Variants in SERGEF observed in about 807,000 individuals in gnomAD.
SERGEF encodes the protein secretion-regulating guanine nucleotide exchange factor.
A neutral mutation model predicts 50.0 loss-of-function variants in SERGEF; 51 were observed. The observed-to-expected ratio is 1.02, with a 90% CI of 0.81 to 1.29. SERGEF has a LOEUF of 1.29. Ranked by LOEUF, SERGEF falls within the 50% of genes most tolerant of loss-of-function variation. The pLI is 0.00. For missense variants in SERGEF, 521 were observed against 557.0 expected, an observed-to-expected ratio of 0.94 and a Z score of 0.65; for synonymous variants, 205 against 212.4, an observed-to-expected ratio of 0.97 and a Z score of 0.30.
intron 10 of SERGEF, among the ~76,000 whole-genome samples, chr11:17,819,226 T>G (rs1850031736): frequency 6.6e-6 from 1 of 152,228 alleles, no homozygotes; most frequent in African/African-American, 2.4e-5. Flanking sequence ...GTAAAGCCTA[T>G]AAATGCAACT....
intron 9 of SERGEF, among the ~76,000 whole-genome samples, chr11:17,950,398 C>T (rs1852753145): frequency 6.6e-6 from 1 of 152,192 alleles, no homozygotes; most frequent in Non-Finnish European, 1.5e-5. Flanking sequence ...GTTTCTTTCA[C>T]ATAGAAAGTC....
intron 10 of SERGEF, among the ~76,000 whole-genome samples, chr11:17,875,602 C>T (rs574985381): frequency 6.6e-6 from 1 of 152,346 alleles, no homozygotes; most frequent in South Asian, 2.1e-4. Flanking sequence ...ACCTGTTTAA[C>T]CCATTTAACT....
chr11:17,973,054 G>A (rs932140005), intron 8 of SERGEF, among the ~76,000 whole-genome samples: 3 of 152,134 alleles, frequency 2.0e-5, no homozygotes, highest in Middle Eastern at 3.4e-3. Flanking sequence ...TGTTGATGAG[G>A]CCGTGTTTTC....
intron 6 of SERGEF, 26 bp from the exon 7 acceptor site, chr11:17,993,019 A>G: frequency 6.2e-7 from 1 of 1,600,082 alleles, no homozygotes. Context: ...TGTTCTTCTG[A>G]ATTACATTTA....
intron 7 of SERGEF, among the ~76,000 whole-genome samples, chr11:17,989,725 T>C (rs954698215): frequency 6.6e-6 from 1 of 152,218 alleles, no homozygotes; most frequent in African/African-American, 2.4e-5. Context: ...CACCTACATG[T>C]GGCTATTAAA....
At chr11:17,805,946 A>G (rs950960975) in intron 10 of SERGEF, among the ~76,000 whole-genome samples, 1 of 152,266 alleles carries the variant, frequency 6.6e-6, no homozygotes, top group Admixed American at 6.5e-5. Context: ...GCCCAAAGGT[A>G]GGGAGGAATC....
rs534350395 is a variant in SERGEF, at chr11:17,951,212, T to A, written c.1011+8258A>T. 3.9e-5 allele frequency among the ~76,000 whole-genome samples: 6 copies of A among 152,342 alleles called. No homozygotes were observed. The South Asian group carries it at 8.3e-4, about 21-fold the overall frequency. On this transcript the variant is annotated intron_variant, in intron 9 of 10. Transcript: ENST00000265965. The stretch of plus-strand genomic sequence containing the variant: ...CAAAACCTGTACCCGAAGCAGCTCA[T>A]ATGTCATGAACCTAAAAAACAACTT...
chr11:17,989,428 G>C (rs1237228303), intron 7 of SERGEF, among the ~76,000 whole-genome samples: 4 of 152,158 alleles, frequency 2.6e-5, no homozygotes, highest in Non-Finnish European at 4.4e-5. Flanking sequence ...CTAAGACTTA[G>C]TTTCACCAGC....
intron 9 of SERGEF, among the ~76,000 whole-genome samples, chr11:17,909,905 T>C (rs1245161992): frequency 6.6e-6 from 1 of 152,158 alleles, no homozygotes; most frequent in South Asian, 2.1e-4. Flanking sequence ...GGGAGTTGCA[T>C]CCACCCCTTA....
intron 8 of SERGEF, among the ~76,000 whole-genome samples, chr11:17,960,213 A>G (rs934698849): frequency 2.6e-5 from 4 of 152,254 alleles, no homozygotes; most frequent in African/African-American, 9.6e-5. Context: ...GCAAGTGTTT[A>G]TGTGTGCTAG....
At chr11:17,830,645 G>GAA (rs1554999424) in intron 10 of SERGEF, among the ~76,000 whole-genome samples, 1 of 19,382 alleles carries the variant, frequency 5.2e-5, no homozygotes, top group Non-Finnish European at 8.5e-5. Flanking sequence ...GGAGGGAGAG[G>GAA]GAGGGAGAGA....
chr11:17,968,157 A>G (rs1271622489), intron 8 of SERGEF, among the ~76,000 whole-genome samples: 1 of 152,238 alleles, frequency 6.6e-6, no homozygotes, highest in Non-Finnish European at 1.5e-5. Flanking sequence ...CCTAACACAG[A>G]GCCTGACCCA....
chr11:17,970,605 C>T (rs1054490802), intron 8 of SERGEF, among the ~76,000 whole-genome samples: 19 of 152,192 alleles, frequency 1.2e-4, no homozygotes. Flanking sequence ...AAAAGCTAGG[C>T]CTCTTGCACC....
chr11:17,942,049 C>A (rs1852572939), intron 9 of SERGEF, among the ~76,000 whole-genome samples: 1 of 152,092 alleles, frequency 6.6e-6, no homozygotes, highest in Admixed American at 6.6e-5. Flanking sequence ...GTGGATCTTG[C>A]AACTTCATTC....
intron 10 of SERGEF, among the ~76,000 whole-genome samples, chr11:17,818,233 C>T (rs1850015520): frequency 6.6e-6 from 1 of 152,134 alleles, no homozygotes; most frequent in South Asian, 2.1e-4. Context: ...CTCAGAGGAA[C>T]TCAGACCTCT....
chr11:17,805,590 T>C (rs577853433), intron 10 of SERGEF, among the ~76,000 whole-genome samples: 65 of 152,302 alleles, frequency 4.3e-4, no homozygotes, highest in Middle Eastern at 3.4e-3. Context: ...TGCAAACTTG[T>C]AAGTGACAGG....
chr11:17,797,741 G>C (rs1849595311), intron 10 of SERGEF, among the ~76,000 whole-genome samples: 1 of 152,242 alleles, frequency 6.6e-6, no homozygotes, highest in East Asian at 1.9e-4. Flanking sequence ...ACAAATGAAT[G>C]AATGGCAGTG....
chr11:17,826,087 G>A (rs944252401), intron 10 of SERGEF, among the ~76,000 whole-genome samples: 4 of 152,160 alleles, frequency 2.6e-5, no homozygotes, highest in Admixed American at 1.3e-4. Flanking sequence ...CTCTGCCATA[G>A]TGCAATTATG....
chr11:17,945,479 T>C (rs968439727), intron 9 of SERGEF, among the ~76,000 whole-genome samples: 1 of 152,230 alleles, frequency 6.6e-6, no homozygotes, highest in African/African-American at 2.4e-5. Flanking sequence ...GTCGGTTACT[T>C]TAACCATATT....
Sources: allele counts gnomAD v4.1 joint callset (sites outside exome capture counted in the v4.1 genomes callset), GRCh38; gene constraint gnomAD v4.1.1; transcripts MANE v1.5; gene names NCBI Gene and HGNC (gene_info 2026-07-23, HGNC 2026-07-21).